The following ANKRD28 variants were observed in gnomAD, a reference collection of about 807,000 sequenced individuals.
ANKRD28 encodes serine/threonine-protein phosphatase 6 regulatory ankyrin repeat subunit A.
In ANKRD28, 44 loss-of-function variants were observed where a neutral mutation model predicts 126.5. That is an observed-to-expected ratio of 0.35 (90% confidence interval 0.27 to 0.45). The LOEUF (loss-of-function observed/expected upper bound fraction) is 0.45. Among genes scored for constraint, ANKRD28 ranks in the 20% least tolerant of loss-of-function variants. ANKRD28 has a pLI of 1.00. For missense variants in ANKRD28, 1,110 were observed against 1,316.6 expected (o/e 0.84, Z 2.43); for synonymous variants, 442 against 468.5 (o/e 0.94, Z 0.73).
At chr3:15,697,550 C>T (rs1017558853) in intron 14 of ANKRD28, among the ~76,000 whole-genome samples, 8 of 151,516 alleles carry the variant, frequency 5.3e-5, no homozygotes, top group African/African-American at 1.5e-4. Flanking sequence ...TGATGGATTA[C>T]GTGTATTGAT....
intron 21 of ANKRD28, among the ~76,000 whole-genome samples, chr3:15,681,663 G>T (rs2067560047): frequency 6.6e-6 from 1 of 151,804 alleles, no homozygotes; most frequent in African/African-American, 2.4e-5. Flanking sequence ...CCCTATAATT[G>T]TGGAAAAGTA....
chr3:15,753,801 G>C (rs887795150), intron 3 of ANKRD28, among the ~76,000 whole-genome samples: 5 of 152,106 alleles, frequency 3.3e-5, no homozygotes, highest in Non-Finnish European at 1.5e-5. Flanking sequence ...AAATTAGCCA[G>C]ATGTGGTGGC....
intron 2 of ANKRD28, among the ~76,000 whole-genome samples, chr3:15,767,792 G>A (rs912676913): frequency 4.1e-5 from 6 of 146,156 alleles, no homozygotes; most frequent in Non-Finnish European, 7.5e-5. Flanking sequence ...GGAGGCTGAG[G>A]CAGGAGAATA....
chr3:15,795,388 C>T lies in ANKRD28; in HGVS notation c.118-82G>A, dbSNP rs115687411. ...ATATTTTACATAGTTCTGGAATCTA[C>T]AAGTTTTCTTCCCTGTAGCAATAAT... is the stretch of plus-strand genomic sequence containing the variant. On this transcript the variant is annotated intron_variant, in intron 1 of 27. Coordinates refer to ENST00000683139, the MANE Select transcript of ANKRD28 (RefSeq NM_001349278.2). The T allele has an allele frequency of 4.2e-4, 403 of 955,414 alleles. 2 individuals are homozygous for T. In the African/African-American group the frequency reaches 6.1e-3, roughly 14 times the overall value. 59.2% of individuals were successfully genotyped at this position (955,414 alleles called of 1,614,324 possible). A position where few individuals can be genotyped will look rare whatever the true frequency, so the allele number is the denominator to read the frequency against.
intron 2 of ANKRD28, among the ~76,000 whole-genome samples, chr3:15,773,239 T>C (rs1161712343): frequency 6.6e-6 from 1 of 152,010 alleles, no homozygotes. Flanking sequence ...AAGTGAAAGT[T>C]ATACTAAAAA....
At chr3:15,754,199 A>G (rs755157961) in intron 3 of ANKRD28, among the ~76,000 whole-genome samples, 3 of 152,300 alleles carry the variant, frequency 2.0e-5, no homozygotes, top group Non-Finnish European at 4.4e-5. Flanking sequence ...TAAATTTTAA[A>G]TTGCTCACTG....
chr3:15,859,552 G>A (rs1446012542), exon 1 of ANKRD28: 3 of 474,858 alleles, frequency 6.3e-6, no homozygotes, highest in Non-Finnish European at 9.0e-6. Flanking sequence ...AGACCTGCGG[G>A]CAGGGGGCGG....
chr3:15,754,501 AT>A lies in ANKRD28; in HGVS notation c.281-2682del, dbSNP rs569499753. ...GATGTAAGTTCTCAATAAAAAAAAA[AT>A]CATGCTGAGGTTGCTAAGATCTACA... On this transcript the variant is annotated intron_variant, in intron 3 of 27. Coordinates refer to ENST00000683139, the MANE Select transcript of ANKRD28 (RefSeq NM_001349278.2). Among the ~76,000 whole-genome samples, 9 of 152,314 alleles carry A rather than the reference AT, an allele frequency of 5.9e-5. No homozygotes were observed. In the East Asian group the frequency reaches 7.7e-4, roughly 13 times the overall value.
intron 3 of ANKRD28, among the ~76,000 whole-genome samples, chr3:15,761,906 C>G (rs553588797): frequency 2.0e-5 from 3 of 152,134 alleles, no homozygotes; most frequent in Middle Eastern, 3.4e-3. Flanking sequence ...CTCTCCTGGG[C>G]TGGGCATGGT....
intron 3 of ANKRD28, among the ~76,000 whole-genome samples, chr3:15,754,189 T>C (rs2058033536): frequency 6.6e-6 from 1 of 152,210 alleles, no homozygotes. Flanking sequence ...AAATAATTCA[T>C]AAATTTTAAA....
At chr3:15,739,933 A>G (rs2125183827) in intron 4 of ANKRD28, among the ~76,000 whole-genome samples, 1 of 152,352 alleles carries the variant, frequency 6.6e-6, no homozygotes, top group South Asian at 2.1e-4. Flanking sequence ...TGATTTATCC[A>G]AAAGATTTAA....
At chr3:15,740,336 T>G (rs1446271207) in intron 4 of ANKRD28, among the ~76,000 whole-genome samples, 1 of 152,100 alleles carries the variant, frequency 6.6e-6, no homozygotes, top group Non-Finnish European at 1.5e-5. Flanking sequence ...AACTTAAGGG[T>G]GTACACTAAA....
At position 15,724,415 on chromosome 3, in the gene ANKRD28, G is replaced by A. The variant is rs1392192853; in HGVS notation, c.750C>T (p.Ser250=). The change falls in exon 7 of 28, where the codon AGC becomes AGT. Residue 250 remains serine, a synonymous_variant. Coordinates refer to ENST00000683139, the MANE Select transcript of ANKRD28 (RefSeq NM_001349278.2). The part of the protein sequence containing the change: ...LHAAASSGMI[S]VVKYLLDLGV... ...CAAGATCTAGAAGGTACTTGACTAC[G>A]CTGATCATTCCACTAGAGGCTGCTG... 6 of 1,606,944 alleles carry A rather than the reference G, an allele frequency of 3.7e-6. No homozygotes were observed. Among genetic ancestry groups the A allele is most frequent in the Non-Finnish European group, 4.3e-6 (5 of 1,176,384 alleles).
intron 2 of ANKRD28, among the ~76,000 whole-genome samples, chr3:15,767,442 C>T (rs1344462403): frequency 6.6e-6 from 1 of 152,076 alleles, no homozygotes; most frequent in South Asian, 2.1e-4. Context: ...TTTAGCTGGT[C>T]ACTTAGCCAC....
intron 1 of ANKRD28, among the ~76,000 whole-genome samples, chr3:15,856,037 A>T (rs139397836): frequency 2.2e-3 from 338 of 152,278 alleles, no homozygotes; most frequent in African/African-American, 7.8e-3. Flanking sequence ...GTTTTTTCAT[A>T]CTGATCTAAA....
chr3:15,774,379 T>G (rs1018043813), intron 2 of ANKRD28, among the ~76,000 whole-genome samples: 3 of 152,074 alleles, frequency 2.0e-5, no homozygotes, highest in African/African-American at 7.2e-5. Flanking sequence ...GAACTTGAAT[T>G]CGGAATATAT....
chr3:15,789,611 A>G (rs1387105109), intron 2 of ANKRD28, among the ~76,000 whole-genome samples: 1 of 152,004 alleles, frequency 6.6e-6, no homozygotes, highest in Non-Finnish European at 1.5e-5. Flanking sequence ...AAACAACCCC[A>G]AATTACCATG....
chr3:15,706,727 T>C (rs2071485682), intron 14 of ANKRD28, among the ~76,000 whole-genome samples: 1 of 152,208 alleles, frequency 6.6e-6, no homozygotes, highest in South Asian at 2.1e-4. Flanking sequence ...GTGTTCCTAT[T>C]TCTCCACATC....
At chr3:15,772,089 A>G (rs1476201003) in intron 2 of ANKRD28, among the ~76,000 whole-genome samples, 1 of 152,198 alleles carries the variant, frequency 6.6e-6, no homozygotes, top group Non-Finnish European at 1.5e-5. Flanking sequence ...AGCAATAGAG[A>G]GCAATTTATA....
Sources: allele counts gnomAD v4.1 joint callset (sites outside exome capture counted in the v4.1 genomes callset), GRCh38; gene constraint gnomAD v4.1.1; transcripts MANE v1.5; gene names NCBI Gene and HGNC (gene_info 2026-07-23, HGNC 2026-07-21).